NPSR1: variants seen among roughly 807,000 people sequenced by gnomAD.
NPSR1 encodes the protein neuropeptide S receptor.
Under a neutral mutation model 46.9 loss-of-function variants are expected in NPSR1, and 48 were observed. The observed-to-expected ratio is 1.02, with a 90% CI of 0.81 to 1.30. The LOEUF (loss-of-function observed/expected upper bound fraction) is 1.30. Ranked by LOEUF, NPSR1 falls within the 50% of genes most tolerant of loss-of-function variation. NPSR1 has a pLI of 0.00. For synonymous variants in NPSR1, 176 were observed against 168.1 expected, an observed-to-expected ratio of 1.05 and a Z score of -0.36; for missense variants, 450 against 449.5, an observed-to-expected ratio of 1.00 and a Z score of -0.01.
chr7:34,848,413 G>C, intron 7 of NPSR1, 70 bp from the exon 8 acceptor site: 1 of 1,414,940 alleles, frequency 7.1e-7, no homozygotes, highest in Admixed American at 1.8e-5. Context: ...TAAAAGTCCA[G>C]TCAGGACCAA....
intron 8 of NPSR1, among the ~76,000 whole-genome samples, chr7:34,868,953 C>T (rs1403571320): frequency 6.6e-6 from 1 of 151,770 alleles, no homozygotes; most frequent in East Asian, 1.9e-4. Flanking sequence ...GAAGACAGGA[C>T]TTCAGCAGGA....
At chr7:34,682,600 C>T (rs914984614) in intron 1 of NPSR1, among the ~76,000 whole-genome samples, 3 of 152,134 alleles carry the variant, frequency 2.0e-5, no homozygotes, top group Non-Finnish European at 4.4e-5. Flanking sequence ...TTATGTCCCA[C>T]TGCTGGCACA....
chr7:34,729,589 T>A (rs576175795), intron 2 of NPSR1, among the ~76,000 whole-genome samples: 1 of 152,240 alleles, frequency 6.6e-6, no homozygotes, highest in Admixed American at 6.5e-5. Context: ...AAAAACAAGA[T>A]TGTTTTTGAA....
At chr7:34,726,122 A>C (rs1239176892) in intron 2 of NPSR1, among the ~76,000 whole-genome samples, 2 of 152,200 alleles carry the variant, frequency 1.3e-5, no homozygotes, top group Non-Finnish European at 2.9e-5. Context: ...AGACTAATAC[A>C]ACTATGGTAC....
intron 3 of NPSR1, among the ~76,000 whole-genome samples, 200 bp downstream of exon 3, chr7:34,778,765 G>A (rs937370033): frequency 6.6e-6 from 1 of 152,066 alleles, no homozygotes. Flanking sequence ...AAACACAAAC[G>A]AGCCACAAAT....
chr7:34,858,805 C>T (rs1791116361), intron 8 of NPSR1, among the ~76,000 whole-genome samples: 1 of 151,820 alleles, frequency 6.6e-6, no homozygotes, highest in South Asian at 2.1e-4. Flanking sequence ...ATTCAGTCAT[C>T]TCCCACTGGG....
Position 34,844,889 on chromosome 7 carries a change from T to C in NPSR1, c.758-7T>C, listed in dbSNP as rs756517003. Reference sequence around the variant, plus strand: ...TTCATCTTACTATTCCCCTCTTGTATCTACAGATGGGAAACTGTGCAGCAG... The same window carrying C: ...TTCATCTTACTATTCCCCTCTTGTACCTACAGATGGGAAACTGTGCAGCAG... On this transcript the variant is annotated splice_polypyrimidine_tract_variant and splice_region_variant and intron_variant, in intron 6 of 8. Coordinates refer to ENST00000360581, the MANE Select transcript of NPSR1 (RefSeq NM_207172.2). 3 of 1,564,988 alleles carry C rather than the reference T, an allele frequency of 1.9e-6. No homozygotes were observed. The highest frequency in any genetic ancestry group is 2.6e-6 in the Non-Finnish European group (3 of 1,135,502).
At chr7:34,698,167 T>G (rs1793628835) in intron 2 of NPSR1, among the ~76,000 whole-genome samples, 1 of 152,182 alleles carries the variant, frequency 6.6e-6, no homozygotes, top group South Asian at 2.1e-4. Context: ...TGTCTTAGAA[T>G]TTGCTTTGAA....
chr7:34,774,097 T>C (rs756272922), intron 2 of NPSR1, among the ~76,000 whole-genome samples: 2 of 152,228 alleles, frequency 1.3e-5, no homozygotes, highest in Non-Finnish European at 2.9e-5. Context: ...TAGATAACCA[T>C]ATTCATTGCT....
chr7:34,671,541 C>T (rs1260278948), intron 1 of NPSR1, among the ~76,000 whole-genome samples: 3 of 152,126 alleles, frequency 2.0e-5, no homozygotes, highest in Non-Finnish European at 2.9e-5. Context: ...TCCAGAAATG[C>T]AGGCAAGGGA....
At position 34,704,250 on chromosome 7, in the gene NPSR1, T is replaced by A. The variant is rs565952298; in HGVS notation, c.280+19566T>A. ...ACATTATTTTTATTTTTATTCATAG[T>A]GAAAATATTGAAGACTGAATTTTTT... is the stretch of plus-strand genomic sequence containing the variant. On this transcript the variant is annotated intron_variant, in intron 2 of 8. Transcript: ENST00000360581. 4 of 152,336 alleles carry A rather than the reference T, an allele frequency of 2.6e-5. No homozygotes were observed. In the South Asian group the frequency reaches 8.3e-4, roughly 32 times the overall value. The allele number at this position is 152,336 out of a possible 1,614,324, so 9.4% of individuals were successfully genotyped here. A position where few individuals can be genotyped will look rare whatever the true frequency, so the allele number is the denominator to read the frequency against.
chr7:34,664,371 C>A (rs1425541001), intron 1 of NPSR1, among the ~76,000 whole-genome samples: 1 of 152,152 alleles, frequency 6.6e-6, no homozygotes, highest in Non-Finnish European at 1.5e-5. Flanking sequence ...GCTTGTATAG[C>A]CTTAAAGAAC....
At chr7:34,749,423 A>G (rs982987053) in intron 2 of NPSR1, among the ~76,000 whole-genome samples, 48 of 152,210 alleles carry the variant, frequency 3.2e-4, no homozygotes, top group Non-Finnish European at 5.9e-5. Context: ...GGAGCCTATA[A>G]TGTTCCAAAC....
intron 3 of NPSR1, among the ~76,000 whole-genome samples, chr7:34,781,622 C>T (rs1282763887): frequency 2.0e-5 from 3 of 152,178 alleles, no homozygotes; most frequent in Non-Finnish European, 4.4e-5. Flanking sequence ...TGCAAGAGAA[C>T]CCCAGAGGGG....
chr7:34,747,951 C>T (rs1010391034), intron 2 of NPSR1, among the ~76,000 whole-genome samples: 2 of 152,084 alleles, frequency 1.3e-5, no homozygotes, highest in African/African-American at 4.8e-5. Context: ...ATATGGGGAC[C>T]GTATCACAAA....
chr7:34,822,910 TTTAAA>T (rs1196063315), intron 4 of NPSR1, among the ~76,000 whole-genome samples: 2 of 152,130 alleles, frequency 1.3e-5, no homozygotes, highest in Non-Finnish European at 2.9e-5. Flanking sequence ...TACATAAAAA[TTTAAA>T]TTATTTATGT....
intron 1 of NPSR1, among the ~76,000 whole-genome samples, chr7:34,684,092 T>C (rs1412609153): frequency 6.6e-6 from 1 of 151,796 alleles, no homozygotes; most frequent in Non-Finnish European, 1.5e-5. Context: ...CCACTTACCA[T>C]TATAGGTATT....
At position 34,838,627 on chromosome 7, in the gene NPSR1, A is replaced by G. The variant is rs573585756; in HGVS notation, c.757+4167A>G. On this transcript the variant is annotated intron_variant, in intron 6 of 8. Transcript: ENST00000360581. ...GCTCACTTTGTAAACACTGGCTAAA[A>G]AGCTCAAGCCATCCTTAGTGCGAGA... Among the ~76,000 whole-genome samples, 3 of 152,292 alleles carry G rather than the reference A, an allele frequency of 2.0e-5. No individual in the cohort carries two copies. The East Asian group carries it at 5.8e-4, about 29-fold the overall frequency.
chr7:34,837,235 G>A (rs1211672914), intron 6 of NPSR1, among the ~76,000 whole-genome samples: 1 of 152,132 alleles, frequency 6.6e-6, no homozygotes, highest in East Asian at 1.9e-4. Context: ...TTTAGCCTGA[G>A]TAAACAGCCA....
Sources: allele counts gnomAD v4.1 joint callset (sites outside exome capture counted in the v4.1 genomes callset), GRCh38; gene constraint gnomAD v4.1.1; transcripts MANE v1.5; gene names NCBI Gene and HGNC (gene_info 2026-07-23, HGNC 2026-07-21).